Variants in ADGRB3 observed in about 807,000 individuals in gnomAD.
ADGRB3 encodes brain-specific angiogenesis inhibitor 3.
ADGRB3 carries 37 observed loss-of-function variants against 193.4 expected under a neutral mutation model. That is an observed-to-expected ratio of 0.19 (90% confidence interval 0.15 to 0.25). The LOEUF (loss-of-function observed/expected upper bound fraction) is 0.25, where lower values mean the gene tolerates loss of function less well. ADGRB3 is among the 10% of genes least tolerant of loss of function. ADGRB3 has a pLI of 1.00. For missense variants in ADGRB3, 1,637 were observed against 1,852.9 expected (o/e 0.88, Z 2.14); for synonymous variants, 690 against 644.2 (o/e 1.07, Z -1.08).
At chr6:69,158,349 C>G (rs1189304051) in intron 17 of ADGRB3, among the ~76,000 whole-genome samples, 1 of 151,334 alleles carries the variant, frequency 6.6e-6, no homozygotes, top group African/African-American at 2.4e-5. Context: ...AGCTATGACT[C>G]CATATAACCT....
chr6:69,229,680 T>C (rs1030687005), intron 17 of ADGRB3, among the ~76,000 whole-genome samples: 3 of 152,200 alleles, frequency 2.0e-5, no homozygotes, highest in South Asian at 4.1e-4. Context: ...TGTGTCACTA[T>C]GAATTTTTGC....
intron 3 of ADGRB3, among the ~76,000 whole-genome samples, chr6:68,755,975 C>T (rs1011456642): frequency 5.3e-5 from 8 of 151,990 alleles, no homozygotes; most frequent in African/African-American, 1.9e-4. Flanking sequence ...GAAGATAATT[C>T]TTAGGTAGAG....
intron 17 of ADGRB3, among the ~76,000 whole-genome samples, chr6:69,098,201 G>C (rs1367913710): frequency 6.6e-6 from 1 of 152,148 alleles, no homozygotes; most frequent in African/African-American, 2.4e-5. Flanking sequence ...CCTCCTAAAA[G>C]TGGTGGGATA....
At chr6:69,259,095 C>T (rs1471700336) in intron 20 of ADGRB3, among the ~76,000 whole-genome samples, 3 of 152,104 alleles carry the variant, frequency 2.0e-5, no homozygotes, top group East Asian at 1.9e-4. Flanking sequence ...ACACTTTGAC[C>T]TTCCTGGAGA....
intron 3 of ADGRB3, among the ~76,000 whole-genome samples, chr6:68,792,415 T>C (rs78946097): frequency 0.013 from 1,978 of 152,310 alleles, 21 homozygotes; most frequent in Middle Eastern, 0.061. Context: ...AGGGCCATTA[T>C]TGCTAAATAA....
At chr6:69,385,169 G>C (rs1429830001) in intron 31 of ADGRB3, among the ~76,000 whole-genome samples, 1 of 151,970 alleles carries the variant, frequency 6.6e-6, no homozygotes, top group Non-Finnish European at 1.5e-5. Flanking sequence ...TACTCTGTGT[G>C]TGTTTCACAA....
In ADGRB3 at chr6:68,673,136, A is replaced by G. The variant is rs185818537; in HGVS notation, c.757+33704A>G. Among the ~76,000 whole-genome samples the G allele has an allele frequency of 4.8e-3, 723 of 152,168 alleles. 5 individuals carry two copies. Among genetic ancestry groups the G allele is most frequent in the Non-Finnish European group, 8.0e-3 (547 of 67,970 alleles). On this transcript the variant is annotated intron_variant, in intron 3 of 31. Transcript: ENST00000370598. ...GTGCAATAATAATTAAATGACAAGA[A>G]CGATTAAAGTCACCTTCAAGGGTTC...
chr6:68,947,953 C>T (rs979966705), intron 6 of ADGRB3, among the ~76,000 whole-genome samples: 3 of 152,030 alleles, frequency 2.0e-5, no homozygotes, highest in Non-Finnish European at 4.4e-5. Flanking sequence ...GGGATCTCAG[C>T]AATGGAGTGT....
At chr6:68,825,469 G>A (rs1767825502) in intron 3 of ADGRB3, among the ~76,000 whole-genome samples, 2 of 146,736 alleles carry the variant, frequency 1.4e-5, no homozygotes, top group Non-Finnish European at 1.5e-5. Context: ...TATGTGTCAT[G>A]TGTAAGTAAA....
chr6:68,723,830 A>G (rs1033124165), intron 3 of ADGRB3, among the ~76,000 whole-genome samples: 2 of 151,666 alleles, frequency 1.3e-5, no homozygotes, highest in Admixed American at 6.6e-5. Context: ...TCAACTGGAG[A>G]TTATTTTGCC....
chr6:68,680,917 T>G (rs1327345296), intron 3 of ADGRB3, among the ~76,000 whole-genome samples: 3 of 152,192 alleles, frequency 2.0e-5, no homozygotes, highest in African/African-American at 7.2e-5. Context: ...TCTTAGTCTA[T>G]TTTGTGTTGT....
intron 10 of ADGRB3, among the ~76,000 whole-genome samples, chr6:68,982,793 C>T (rs1303213291): frequency 6.6e-6 from 1 of 152,142 alleles, no homozygotes; most frequent in East Asian, 1.9e-4. Flanking sequence ...CTATATTTTT[C>T]CATCTCTGGC....
chr6:68,653,279 G>A (rs1029691129), intron 3 of ADGRB3, among the ~76,000 whole-genome samples: 1 of 152,082 alleles, frequency 6.6e-6, no homozygotes, highest in African/African-American at 2.4e-5. Flanking sequence ...TTTTTGAGAC[G>A]CTGAGAAGTT....
In ADGRB3 at chr6:69,388,743, A is replaced by G; in HGVS notation, c.4421A>G (p.Lys1474Arg). 6.2e-7 allele frequency: 1 copy of G among 1,613,416 alleles called. No homozygotes were observed. Among genetic ancestry groups the G allele is most frequent in the South Asian group, 1.1e-5 (1 of 91,044 alleles). Residue 1474 changes from lysine to arginine, a missense_variant, in exon 32 of 32, where the codon AAA (lysine) becomes AGA (arginine). Physicochemically the swap from Lys to Arg is conservative, Grantham distance 26. This residue lies in a region of ADGRB3 where 368 missense variants were observed against 367.4 expected (regional missense o/e 1.00). Transcript: ENST00000370598. ...APNKNPWDTF[K>R]NPSEYPHYTT... is the part of the protein sequence containing the mutation. ...AACAAGAATCCATGGGACACTTTCA[A>G]AAACCCCAGTGAATACCCGCATTAC...
chr6:68,706,435 G>C (rs1473303978), intron 3 of ADGRB3, among the ~76,000 whole-genome samples: 2 of 152,198 alleles, frequency 1.3e-5, no homozygotes, highest in African/African-American at 4.8e-5. Flanking sequence ...GAAAAAGCTT[G>C]TTACGAATAA....
intron 3 of ADGRB3, among the ~76,000 whole-genome samples, chr6:68,914,551 C>G (rs1178634338): frequency 6.6e-6 from 1 of 152,130 alleles, no homozygotes; most frequent in Admixed American, 6.6e-5. Context: ...AAGCACTAAA[C>G]ATGGAAAGGA....
chr6:68,868,114 C>G (rs1383626738), intron 3 of ADGRB3, among the ~76,000 whole-genome samples: 1 of 152,092 alleles, frequency 6.6e-6, no homozygotes, highest in Non-Finnish European at 1.5e-5. Context: ...TGATTTGGCT[C>G]TGTGTCCCCA....
intron 3 of ADGRB3, among the ~76,000 whole-genome samples, chr6:68,880,210 A>C (rs976636734): frequency 2.0e-5 from 3 of 152,156 alleles, no homozygotes; most frequent in Non-Finnish European, 4.4e-5. Context: ...GCTTTTGGTC[A>C]GTCAGCTGGG....
chr6:68,650,063 A>G (rs1462320545), intron 3 of ADGRB3, among the ~76,000 whole-genome samples: 2 of 152,188 alleles, frequency 1.3e-5, no homozygotes, highest in African/African-American at 4.8e-5. Context: ...GACCCTGACT[A>G]ACACCAAGGT....
Sources: gnomAD v4.1 joint callset for allele counts (sites outside exome capture counted in the v4.1 genomes callset) on GRCh38, gnomAD v4.1.1 for gene constraint, gnomAD v4.1.1 regional missense constraint, MANE v1.5 for transcripts, NCBI Gene and HGNC (gene_info 2026-07-23, HGNC 2026-07-21) for gene names.